Variants in APOBEC2 observed in about 807,000 individuals in gnomAD.
APOBEC2 encodes the protein apolipoprotein B mRNA editing enzyme catalytic subunit 2, also known as C->U-editing enzyme APOBEC-2.
A neutral mutation model predicts 19.4 loss-of-function variants in APOBEC2; 14 were observed. The observed-to-expected ratio is 0.72, with a 90% confidence interval of 0.48 to 1.13. The LOEUF (loss-of-function observed/expected upper bound fraction) is 1.13. APOBEC2 is among the 50% of genes most tolerant of loss of function. APOBEC2 has a pLI of 0.00. For synonymous variants in APOBEC2, 127 were observed against 112.1 expected, an observed-to-expected ratio of 1.13 and a Z score of -0.84; for missense variants, 304 against 277.0, an observed-to-expected ratio of 1.10 and a Z score of -0.69.
intron 2 of APOBEC2, among the ~76,000 whole-genome samples, chr6:41,062,486 A>G (rs1265220369): frequency 2.0e-5 from 3 of 152,262 alleles, no homozygotes; most frequent in African/African-American, 4.8e-5. Flanking sequence ...AAGGAGACCA[A>G]CAATTGCTGT....
chr6:41,062,856 C>T (rs7762194), intron 2 of APOBEC2, among the ~76,000 whole-genome samples: 7 of 152,080 alleles, frequency 4.6e-5, no homozygotes, highest in Non-Finnish European at 8.8e-5. Context: ...ATTGAGTTTG[C>T]GCCTACAGAA....
At chr6:41,060,990 T>G (rs918489210) in intron 1 of APOBEC2, among the ~76,000 whole-genome samples, 7 of 152,188 alleles carry the variant, frequency 4.6e-5, no homozygotes, top group Non-Finnish European at 8.8e-5. Flanking sequence ...GTCTTCTAGG[T>G]GATTCTAAGG....
At chr6:41,056,370 C>G (rs1762794991) in intron 1 of APOBEC2, among the ~76,000 whole-genome samples, 1 of 152,234 alleles carries the variant, frequency 6.6e-6, no homozygotes, top group Non-Finnish European at 1.5e-5. Flanking sequence ...ATCCTCATGC[C>G]TCAGCCTCCC....
Position 41,061,931 on chromosome 6 carries a change from T to C in APOBEC2, c.*21+39T>C, listed in dbSNP as rs557090681. The stretch of plus-strand genomic sequence containing the variant: ...GTGCCATGGCACCAACACTTTATTA[T>C]GTTAACTCCAGTAGAAGGTGTGAGG... On this transcript the variant is annotated intron_variant, in intron 2 of 2. Coordinates refer to ENST00000244669, the MANE Select transcript of APOBEC2 (RefSeq NM_006789.4). 9.5e-5 allele frequency: 145 copies of C among 1,531,518 alleles called. 3 individuals are homozygous for C. In the South Asian group the frequency reaches 1.7e-3, roughly 18 times the overall value. 94.9% of individuals were successfully genotyped at this position (1,531,518 alleles called of 1,614,324 possible).
At chr6:41,062,473 T>C (rs1195960595) in intron 2 of APOBEC2, among the ~76,000 whole-genome samples, 1 of 152,214 alleles carries the variant, frequency 6.6e-6, no homozygotes, top group African/African-American at 2.4e-5. Context: ...TGGCTACACT[T>C]TGAAGGAGAC....
At chr6:41,053,697 TAGG>T (rs1411302045) in intron 1 of APOBEC2, among the ~76,000 whole-genome samples, 1 of 151,986 alleles carries the variant, frequency 6.6e-6, no homozygotes, top group African/African-American at 2.4e-5. Context: ...CAGGGAGAGG[TAGG>T]AGGAGCTCCT....
chr6:41,058,860 C>T (rs375664207), intron 1 of APOBEC2, among the ~76,000 whole-genome samples: 1 of 152,230 alleles, frequency 6.6e-6, no homozygotes, highest in East Asian at 1.9e-4. Context: ...CCTTCCCTGC[C>T]TTTCCTTTGC....
chr6:41,058,188 C>CAG (rs1472519870), intron 1 of APOBEC2, among the ~76,000 whole-genome samples: 44 of 133,096 alleles, frequency 3.3e-4, no homozygotes, highest in African/African-American at 1.2e-3. Flanking sequence ...CACACACACA[C>CAG]GTTTCTACGC....
At position 41,064,803 on chromosome 6, in the gene APOBEC2, AG is replaced by A. The variant is rs1406199263; in HGVS notation, c.*725del. On this transcript the variant is annotated 3_prime_UTR_variant, in exon 3 of 3. Transcript: ENST00000244669. ...TTAATAAGCAACTAGCTTCTTTATT[AG>A]AGAGGAGCGGGTGAAAAGTAGTAGT... The A allele has an allele frequency of 6.6e-6, 1 of 152,228 alleles. No individual in the cohort carries two copies. The highest frequency in any genetic ancestry group is 1.5e-5 in the Non-Finnish European group (1 of 68,036). 9.4% of individuals were successfully genotyped at this position (152,228 alleles called of 1,614,324 possible).
intron 1 of APOBEC2, among the ~76,000 whole-genome samples, chr6:41,054,266 C>A (rs1037430661): frequency 2.4e-4 from 36 of 152,218 alleles, no homozygotes; most frequent in African/African-American, 8.4e-4. Flanking sequence ...TCTTCCCTTT[C>A]TATTCCTGTA....
rs545629172 is a variant in APOBEC2, at chr6:41,062,023, T to C, written c.*21+131T>C. The C allele has an allele frequency of 1.6e-5, 14 of 876,544 alleles. No individual in the cohort carries two copies. In the African/African-American group the frequency reaches 1.7e-4, roughly 11 times the overall value. The allele number at this position is 876,544 out of a possible 1,614,324, so 54.3% of individuals were successfully genotyped here. A position where few individuals can be genotyped will look rare whatever the true frequency, so the allele number is the denominator to read the frequency against. ...GTTTCATTTCTCTGCTTTTGACTGG[T>C]TGCAAAAATAGTTTAGAACATGTCT... On this transcript the variant is annotated intron_variant, in intron 2 of 2. Coordinates refer to ENST00000244669, the MANE Select transcript of APOBEC2 (RefSeq NM_006789.4).
chr6:41,053,812 G>T (rs755487985), intron 1 of APOBEC2, among the ~76,000 whole-genome samples: 1 of 152,182 alleles, frequency 6.6e-6, no homozygotes, highest in Non-Finnish European at 1.5e-5. Flanking sequence ...GGAGTTTGGC[G>T]AGGACAGAGG....
At chr6:41,056,400 C>T (rs920943553) in intron 1 of APOBEC2, among the ~76,000 whole-genome samples, 5 of 152,224 alleles carry the variant, frequency 3.3e-5, no homozygotes, top group African/African-American at 9.6e-5. Context: ...GGACTATTGG[C>T]GTGGGCCACT....
At position 41,060,340 on chromosome 6, in the gene APOBEC2, T is replaced by C. The variant is rs372786628; in HGVS notation, c.132-988T>C. Among the ~76,000 whole-genome samples the C allele has an allele frequency of 2.0e-5, 3 of 152,356 alleles. No individual in the cohort carries two copies. The South Asian group carries it at 6.2e-4, about 32-fold the overall frequency. ...CTATTGCCAAGACTGTAATCTTGCA[T>C]GGACATCATTTTTATTGTTTTCCTT... On this transcript the variant is annotated intron_variant, in intron 1 of 2. Transcript: ENST00000244669.
chr6:41,053,470 T>C lies in APOBEC2; in HGVS notation c.123T>C (p.Ile41=). 1.2e-6 allele frequency: 2 copies of C among 1,614,162 alleles called. No homozygotes were observed. The highest frequency in any genetic ancestry group is 1.7e-6 in the Non-Finnish European group (2 of 1,180,000). ...TGATTGAGCTGCCGCCCTTTGAGAT[T>C]GTCACAGGGTAAGCCTCAGATGTGG... is the stretch of plus-strand genomic sequence containing the variant. ...KELIELPPFE[I]VTGERLPANF... The change falls in exon 1 of 3, where the codon ATT becomes ATC. Residue 41 remains isoleucine, a synonymous_variant. Transcript: ENST00000244669.
At chr6:41,059,987 CTT>C (rs1015660332) in intron 1 of APOBEC2, among the ~76,000 whole-genome samples, 2 of 152,208 alleles carry the variant, frequency 1.3e-5, no homozygotes, top group Admixed American at 6.5e-5. Flanking sequence ...CTCCTCCTCT[CTT>C]GACATTTTTC....
chr6:41,055,457 G>A (rs913091120), intron 1 of APOBEC2, among the ~76,000 whole-genome samples: 1 of 152,330 alleles, frequency 6.6e-6, no homozygotes, highest in South Asian at 2.1e-4. Context: ...CTGGGTCTGT[G>A]CAGGGAGAGG....
At chr6:41,055,373 A>G (rs1032726336) in intron 1 of APOBEC2, among the ~76,000 whole-genome samples, 3 of 152,232 alleles carry the variant, frequency 2.0e-5, no homozygotes, top group Non-Finnish European at 4.4e-5. Flanking sequence ...CCTGGCCACA[A>G]GTAACAGCTG....
intron 1 of APOBEC2, among the ~76,000 whole-genome samples, chr6:41,055,086 T>C (rs779299413): frequency 3.3e-5 from 5 of 152,132 alleles, no homozygotes; most frequent in Non-Finnish European, 7.4e-5. Context: ...GAGGGAGATA[T>C]ATTATTGCCA....
Sources: gnomAD v4.1 joint callset for allele counts (sites outside exome capture counted in the v4.1 genomes callset) on GRCh38, gnomAD v4.1.1 for gene constraint, MANE v1.5 for transcripts, NCBI Gene and HGNC (gene_info 2026-07-23, HGNC 2026-07-21) for gene names.